The following GPR39 variants were observed in gnomAD, a reference collection of about 807,000 sequenced individuals.
GPR39 encodes zinc sensing receptor.
GPR39 carries 23 observed loss-of-function variants against 18.4 expected under a neutral mutation model. The ratio of observed to expected loss-of-function variants is 1.25; its 90% CI spans 0.90 to 1.77. The LOEUF is 1.77. Ranked by LOEUF, GPR39 falls within the 40% of genes most tolerant of loss-of-function variation. The pLI is 0.00. For missense variants in GPR39, 647 were observed against 602.4 expected (o/e 1.07, Z -0.78); for synonymous variants, 280 against 257.9 (o/e 1.09, Z -0.82).
chr2:132,626,096 T>C (rs1405102062), intron 1 of GPR39, among the ~76,000 whole-genome samples: 6 of 135,900 alleles, frequency 4.4e-5, no homozygotes, highest in Non-Finnish European at 8.0e-5. Context: ...CGAGACTCCA[T>C]CTCAAAAAAA....
intron 1 of GPR39, among the ~76,000 whole-genome samples, chr2:132,468,232 A>C (rs1347726127): frequency 6.6e-6 from 1 of 152,248 alleles, no homozygotes; most frequent in African/African-American, 2.4e-5. Flanking sequence ...ATGCAGATGC[A>C]ACAGTGAACA....
At chr2:132,493,488 C>CATATAT (rs540786857) in intron 1 of GPR39, among the ~76,000 whole-genome samples, 2 of 117,478 alleles carry the variant, frequency 1.7e-5, no homozygotes, top group East Asian at 5.0e-4. Context: ...ATATATACAC[C>CATATAT]ATATATATAT....
At chr2:132,495,994 C>T (rs989162211) in intron 1 of GPR39, among the ~76,000 whole-genome samples, 1 of 152,174 alleles carries the variant, frequency 6.6e-6, no homozygotes, top group African/African-American at 2.4e-5. Flanking sequence ...AGAGCAAACC[C>T]TCTTTTTTCA....
chr2:132,417,870 C>T lies in GPR39; in HGVS notation c.828C>T (p.Thr276=), dbSNP rs370796227. The change falls in exon 1 of 2, where the codon ACC becomes ACT. Residue 276 remains threonine, a synonymous_variant. Coordinates refer to ENST00000329321, the MANE Select transcript of GPR39 (RefSeq NM_001508.3). ...LRKSESEESR[T]ARRQTIIFLR... ...AGTCCGAGAGCGAAGAGAGCAGGAC[C>T]GCCAGGAGGCAGACCATCATCTTCC... 171 of 1,597,882 alleles carry T rather than the reference C, an allele frequency of 1.1e-4. 1 individual carries two copies. The African/African-American group carries it at 1.7e-3, about 16-fold the overall frequency.
intron 1 of GPR39, among the ~76,000 whole-genome samples, chr2:132,539,752 C>T (rs900005837): frequency 5.9e-5 from 9 of 152,114 alleles, no homozygotes; most frequent in African/African-American, 1.9e-4. Flanking sequence ...TCTGTCAGAG[C>T]AGTCACAAGG....
chr2:132,545,358 C>T (rs925303518), intron 1 of GPR39, among the ~76,000 whole-genome samples: 2 of 152,194 alleles, frequency 1.3e-5, no homozygotes, highest in Non-Finnish European at 2.9e-5. Flanking sequence ...ATTGAGCAGA[C>T]ATCATTTGTA....
At chr2:132,631,825 T>C (rs75675133) in intron 1 of GPR39, among the ~76,000 whole-genome samples, 2 of 133,264 alleles carry the variant, frequency 1.5e-5, no homozygotes, top group African/African-American at 6.7e-5. Context: ...CTTCTTCTTC[T>C]TTTTTTTTTT....
intron 1 of GPR39, among the ~76,000 whole-genome samples, chr2:132,477,256 C>A (rs1681147450): frequency 6.6e-6 from 1 of 152,084 alleles, no homozygotes; most frequent in South Asian, 2.1e-4. Flanking sequence ...GGCGCCTGAA[C>A]AGGACTTTGA....
At chr2:132,557,469 G>C (rs1573665646) in intron 1 of GPR39, among the ~76,000 whole-genome samples, 1 of 152,170 alleles carries the variant, frequency 6.6e-6, no homozygotes. Context: ...TTTTAACAGA[G>C]AGCTTCAGGT....
chr2:132,555,821 G>T (rs970571764), intron 1 of GPR39, among the ~76,000 whole-genome samples: 3 of 152,202 alleles, frequency 2.0e-5, no homozygotes, highest in African/African-American at 7.2e-5. Flanking sequence ...TGACATGATT[G>T]TGCATAATGT....
At chr2:132,494,582 C>A (rs531112224) in intron 1 of GPR39, among the ~76,000 whole-genome samples, 1 of 152,136 alleles carries the variant, frequency 6.6e-6, no homozygotes, top group Non-Finnish European at 1.5e-5. Flanking sequence ...TTTCATCACA[C>A]GGACACTATG....
At chr2:132,563,948 C>T (rs1680301633) in intron 1 of GPR39, among the ~76,000 whole-genome samples, 1 of 152,214 alleles carries the variant, frequency 6.6e-6, no homozygotes, top group Non-Finnish European at 1.5e-5. Flanking sequence ...TGTGACCTGG[C>T]CTCCAAGCCA....
At chr2:132,423,522 A>G (rs1163022090) in intron 1 of GPR39, among the ~76,000 whole-genome samples, 1 of 152,134 alleles carries the variant, frequency 6.6e-6, no homozygotes, top group East Asian at 1.9e-4. Flanking sequence ...AAGTTCTTCA[A>G]GTGACCATGA....
chr2:132,444,312 AG>A (rs1417575024), intron 1 of GPR39, among the ~76,000 whole-genome samples: 1 of 151,880 alleles, frequency 6.6e-6, no homozygotes, highest in East Asian at 1.9e-4. Context: ...TTTTTTTTAA[AG>A]ACAGGGTCTC....
At chr2:132,536,626 T>C (rs1679761644) in intron 1 of GPR39, among the ~76,000 whole-genome samples, 2 of 152,226 alleles carry the variant, frequency 1.3e-5, no homozygotes, top group African/African-American at 4.8e-5. Flanking sequence ...ATATCCTTGT[T>C]AATTTTCTGT....
At chr2:132,637,773 A>G (rs973964766) in intron 1 of GPR39, among the ~76,000 whole-genome samples, 1 of 152,212 alleles carries the variant, frequency 6.6e-6, no homozygotes, top group Non-Finnish European at 1.5e-5. Flanking sequence ...CATCCCATCC[A>G]TGCCGCTCCC....
chr2:132,586,403 C>T (rs369281375), intron 1 of GPR39, among the ~76,000 whole-genome samples: 7 of 152,156 alleles, frequency 4.6e-5, no homozygotes, highest in African/African-American at 1.7e-4. Context: ...AAAGGCAAGG[C>T]GTGCTGGCTG....
intron 1 of GPR39, among the ~76,000 whole-genome samples, chr2:132,591,272 A>C (rs1418720053): frequency 7.3e-5 from 9 of 123,212 alleles, no homozygotes; most frequent in East Asian, 4.8e-4. Context: ...AAAAAAAAAA[A>C]AAAAACAAAA....
intron 1 of GPR39, among the ~76,000 whole-genome samples, chr2:132,556,913 A>G (rs1037236137): frequency 3.9e-5 from 6 of 152,232 alleles, no homozygotes; most frequent in Non-Finnish European, 8.8e-5. Flanking sequence ...TGAGCTGCCA[A>G]GATGCCCAGT....
Sources: allele counts gnomAD v4.1 joint callset (sites outside exome capture counted in the v4.1 genomes callset), GRCh38; gene constraint gnomAD v4.1.1; transcripts MANE v1.5; gene names NCBI Gene and HGNC (gene_info 2026-07-23, HGNC 2026-07-21).